Variants in ZZZ3 observed in about 807,000 individuals in gnomAD.
ZZZ3 encodes the protein ZZ-type zinc finger-containing protein 3.
A neutral mutation model predicts 95.2 loss-of-function variants in ZZZ3; 22 were observed. The ratio of observed to expected loss-of-function variants is 0.23; its 90% CI spans 0.17 to 0.33. The LOEUF (loss-of-function observed/expected upper bound fraction) is 0.33. Among genes scored for constraint, ZZZ3 ranks in the 10% least tolerant of loss-of-function variants. The probability of loss-of-function intolerance (pLI) is 1.00; values close to 1 mark genes in which losing one functional copy is unlikely to be tolerated. For synonymous variants in ZZZ3, 335 were observed against 358.9 expected (o/e 0.93, Z 0.75); for missense variants, 885 against 1,066.5 (o/e 0.83, Z 2.37).
At chr1:77,569,907 C>T (rs1465688146) in intron 12 of ZZZ3, among the ~76,000 whole-genome samples, 1 of 152,144 alleles carries the variant, frequency 6.6e-6, no homozygotes, top group Non-Finnish European at 1.5e-5. Context: ...TGATCCCGTG[C>T]TCACTTATTT....
chr1:77,588,590 TA>T (rs1663340963), intron 5 of ZZZ3, among the ~76,000 whole-genome samples: 1 of 152,114 alleles, frequency 6.6e-6, no homozygotes, highest in East Asian at 1.9e-4. Flanking sequence ...CCAATCACCA[TA>T]GATGTTCAGA....
Position 77,581,064 on chromosome 1 carries a change from T to C in ZZZ3, c.1914A>G (p.Ile638Met). Residue 638 changes from isoleucine (I) to methionine (M), a missense_variant, in exon 9 of 15, where the codon ATA (isoleucine) becomes ATG (methionine). Ile to Met is a conservative substitution (Grantham distance 10). Coordinates refer to ENST00000370801, the MANE Select transcript of ZZZ3 (RefSeq NM_015534.6). ...PEGSSSRPQM[I>M]RGRLCDDTKP... ...TGGTATCATCACACAAGCGTCCTCTTATCATCTGCACATAAGACAAGGCTT... is the reference window on the plus strand; with the variant it reads ...TGGTATCATCACACAAGCGTCCTCTCATCATCTGCACATAAGACAAGGCTT... 1 of 1,613,970 alleles carries C rather than the reference T, an allele frequency of 6.2e-7. No homozygotes were observed. The highest frequency in any genetic ancestry group is 8.5e-7 in the Non-Finnish European group (1 of 1,179,822).
intron 5 of ZZZ3, 79 bp downstream of exon 5, chr1:77,631,771 A>C (rs772144339): frequency 1.1e-4 from 134 of 1,208,496 alleles, no homozygotes; most frequent in Non-Finnish European, 1.4e-4. Context: ...GGCTGTAATA[A>C]AAACACTACG....
chr1:77,572,241 C>T (rs1249529754), intron 12 of ZZZ3, among the ~76,000 whole-genome samples: 1 of 152,232 alleles, frequency 6.6e-6, no homozygotes, highest in Admixed American at 6.5e-5. Context: ...ACAAAAATTA[C>T]ATCAAATCTA....
At chr1:77,569,649 A>G (rs1210306628) in intron 12 of ZZZ3, among the ~76,000 whole-genome samples, 1 of 152,160 alleles carries the variant, frequency 6.6e-6, no homozygotes, top group Non-Finnish European at 1.5e-5. Context: ...ATTCCTTCTC[A>G]GAGTCTCCCA....
chr1:77,581,644 A>G lies in ZZZ3; in HGVS notation c.1908+132T>C, dbSNP rs545879272. On this transcript the variant is annotated intron_variant, in intron 8 of 14. Transcript: ENST00000370801. ...TAGGACTCCAACCTAAGTTTCTCTT[A>G]ATTTCAAAGTTCTTATCTCCTTTAT... 80 of 693,102 alleles carry G rather than the reference A, an allele frequency of 1.2e-4. No individual in the cohort carries two copies. The African/African-American group carries it at 1.3e-3, about 11-fold the overall frequency. The allele number at this position is 693,102 out of a possible 1,614,324, so 42.9% of individuals were successfully genotyped here.
At chr1:77,617,373 T>C (rs1158819637) in intron 5 of ZZZ3, among the ~76,000 whole-genome samples, 2 of 152,212 alleles carry the variant, frequency 1.3e-5, no homozygotes, top group Non-Finnish European at 2.9e-5. Context: ...GATTATTTCA[T>C]ATAAATAGAA....
At chr1:77,587,437 TG>T (rs1320846354) in intron 5 of ZZZ3, among the ~76,000 whole-genome samples, 1 of 151,944 alleles carries the variant, frequency 6.6e-6, no homozygotes, top group African/African-American at 2.4e-5. Flanking sequence ...GCTAATTTTT[TG>T]TATTTTTAGT....
At chr1:77,610,658 C>T (rs917771886) in intron 5 of ZZZ3, among the ~76,000 whole-genome samples, 3 of 151,620 alleles carry the variant, frequency 2.0e-5, no homozygotes, top group Admixed American at 2.0e-4. Context: ...GATGGTTCAA[C>T]ATATGCAAAT....
intron 1 of ZZZ3, among the ~76,000 whole-genome samples, chr1:77,658,008 G>A (rs914332795): frequency 6.6e-6 from 1 of 151,748 alleles, no homozygotes; most frequent in Non-Finnish European, 1.5e-5. Context: ...GCAAAACTCT[G>A]TCTCTACTAA....
intron 5 of ZZZ3, among the ~76,000 whole-genome samples, chr1:77,586,627 G>C (rs1229461548): frequency 2.0e-5 from 3 of 152,132 alleles, no homozygotes; most frequent in African/African-American, 7.2e-5. Flanking sequence ...GGCAAATAAA[G>C]TACAGTTCTT....
At chr1:77,592,765 C>G (rs1326407849) in intron 5 of ZZZ3, among the ~76,000 whole-genome samples, 1 of 152,124 alleles carries the variant, frequency 6.6e-6, no homozygotes, top group Non-Finnish European at 1.5e-5. Context: ...GTAACTAAAA[C>G]TAAAAGGTCA....
intron 1 of ZZZ3, among the ~76,000 whole-genome samples, chr1:77,660,154 AAAG>A (rs1670658307): frequency 6.6e-6 from 1 of 152,188 alleles, no homozygotes; most frequent in Admixed American, 6.5e-5. Context: ...TCTAGCAGGT[AAAG>A]AAGAGTATGC....
intron 1 of ZZZ3, among the ~76,000 whole-genome samples, chr1:77,650,723 C>G (rs2100962673): frequency 6.8e-6 from 1 of 147,758 alleles, no homozygotes; most frequent in African/African-American, 2.5e-5. Context: ...TAACAATGAG[C>G]AGAAATCAAT....
chr1:77,642,624 G>T (rs1262707235), intron 1 of ZZZ3, among the ~76,000 whole-genome samples: 1 of 151,804 alleles, frequency 6.6e-6, no homozygotes, highest in Non-Finnish European at 1.5e-5. Context: ...AGACGTGGTT[G>T]TGTGTGTCTG....
intron 13 of ZZZ3, 43 bp from the exon 14 acceptor site, chr1:77,566,224 CCA>C (rs765437839): frequency 2.6e-5 from 36 of 1,389,736 alleles, no homozygotes; most frequent in Non-Finnish European, 3.4e-5. Flanking sequence ...TTATACTGTT[CCA>C]CGATCTTTTT....
intron 5 of ZZZ3, among the ~76,000 whole-genome samples, chr1:77,594,800 GGC>G (rs1664060797): frequency 6.6e-6 from 1 of 151,508 alleles, no homozygotes; most frequent in Admixed American, 6.6e-5. Context: ...AGAAATAACA[GGC>G]AAGCTAGAAA....
chr1:77,680,193 A>C (rs1300235066), intron 1 of ZZZ3, among the ~76,000 whole-genome samples: 2 of 152,260 alleles, frequency 1.3e-5, no homozygotes, highest in Non-Finnish European at 2.9e-5. Context: ...GTATAACCTT[A>C]AGCTGCTGAC....
chr1:77,681,508 T>G (rs1246421418), intron 1 of ZZZ3, among the ~76,000 whole-genome samples: 1 of 152,204 alleles, frequency 6.6e-6, no homozygotes, highest in African/African-American at 2.4e-5. Context: ...GAGAGAAATA[T>G]TAAATTGATT....
Sources: allele counts gnomAD v4.1 joint callset (sites outside exome capture counted in the v4.1 genomes callset), GRCh38; gene constraint gnomAD v4.1.1; transcripts MANE v1.5; gene names NCBI Gene and HGNC (gene_info 2026-07-23, HGNC 2026-07-21).